ZNF41: variants seen among roughly 807,000 people sequenced by gnomAD.
ZNF41 encodes zinc finger protein 41.
In ZNF41, 6 loss-of-function variants were observed where a neutral mutation model predicts 9.3. The ratio of observed to expected loss-of-function variants is 0.65; its 90% confidence interval spans 0.35 to 1.28. The LOEUF is 1.28. ZNF41 is among the 50% of genes most tolerant of loss of function. ZNF41 has a pLI of 0.03. For synonymous variants in ZNF41, 192 were observed against 207.1 expected, an observed-to-expected ratio of 0.93 and a Z score of 0.63; for missense variants, 523 against 585.8, an observed-to-expected ratio of 0.89 and a Z score of 1.11.
At chrX:47,467,269 C>T in intron 2 of ZNF41, 141 bp downstream of exon 2, 2 of 1,148,206 alleles carry the variant, frequency 1.7e-6, no homozygotes, top group Non-Finnish European at 2.3e-6. Flanking sequence ...AGCAAGAGGA[C>T]CCTGATCTGT....
Position 47,455,979 on chromosome X carries a change from C to T in ZNF41, c.237G>A (p.Leu79=). The part of the protein sequence containing the change: ...QIPKSEAAFK[L]EQGEGPWMLE... ...GCATCCATGGCCCCTCTCCTTGCTC[C>T]AACTTGAAGGCAGCCTCTGACTTGG... The change falls in exon 4 of 5, where the codon TTG becomes TTA. Residue 79 remains leucine, a synonymous_variant. Coordinates refer to ENST00000684689, the MANE Select transcript of ZNF41 (RefSeq NM_001324144.2). 1 of 1,211,781 alleles carries T rather than the reference C, an allele frequency of 8.3e-7. No individual in the cohort carries two copies. The highest frequency in any genetic ancestry group is 1.8e-5 in the South Asian group (1 of 57,011).
In ZNF41 at chrX:47,448,403, G is replaced by A; in HGVS notation, c.1367C>T (p.Thr456Ile). The change falls in exon 5 of 5, where the codon ACA (threonine) becomes ATA (isoleucine). Residue 456 changes from threonine (T) to isoleucine (I), a missense_variant. Transcript: ENST00000684689. ...KAFIQKSHFN[T>I]HQRIHTGEKP... is the part of the protein sequence containing the mutation. The stretch of plus-strand genomic sequence containing the variant: ...TTCTCCAGTATGAATTCTCTGATGT[G>A]TGTTGAAATGTGATTTCTGGATGAA... 5 of 1,210,790 alleles carry A rather than the reference G, an allele frequency of 4.1e-6. No homozygotes were observed. Among genetic ancestry groups the A allele is most frequent in the Non-Finnish European group, 5.6e-6 (5 of 895,290 alleles).
intron 2 of ZNF41, among the ~76,000 whole-genome samples, chrX:47,462,533 C>A (rs1232447829): frequency 9.0e-6 from 1 of 110,769 alleles, no homozygotes; most frequent in Non-Finnish European, 1.9e-5. Context: ...CTTTGTTGTC[C>A]CTCCAGCTGA....
intron 1 of ZNF41, chrX:47,482,486 C>T (rs2071779): frequency 0.32 from 35,393 of 111,789 alleles, 4,056 homozygotes; most frequent in Middle Eastern, 0.51. Flanking sequence ...CTGAAAACTG[C>T]TTCGAGGAAC....
In ZNF41 at chrX:47,447,166, C is replaced by T. The variant is rs1466562814; in HGVS notation, c.*264G>A. The T allele has an allele frequency of 3.4e-5, 13 of 386,868 alleles. No homozygotes were observed. The highest frequency in any genetic ancestry group is 5.9e-5 in the Non-Finnish European group (13 of 220,487). 31.9% of individuals were successfully genotyped at this position (386,868 alleles called of 1,213,427 possible). The stretch of plus-strand genomic sequence containing the variant: ...AGGAGCTCAAGAGGTCTGTATGAAT[C>T]ATGTCACCAAACATGACTTTCGCTC... On this transcript the variant is annotated 3_prime_UTR_variant, in exon 5 of 5. Coordinates refer to ENST00000684689, the MANE Select transcript of ZNF41 (RefSeq NM_001324144.2).
chrX:47,479,417 T>G (rs1248982416), intron 1 of ZNF41, among the ~76,000 whole-genome samples: 4 of 112,121 alleles, frequency 3.6e-5, no homozygotes, highest in Non-Finnish European at 7.5e-5. Context: ...TACCCTCTAT[T>G]AAATGTCACT....
Position 47,449,300 on chromosome X carries a change from T to C in ZNF41, c.470A>G (p.His157Arg), listed in dbSNP as rs757880571. Residue 157 changes from histidine to arginine, a missense_variant, in exon 5 of 5, where the codon CAT (histidine) becomes CGT (arginine). Transcript: ENST00000684689. ...CCTCTCCTTAATCAATACTTTCACA[T>C]GACTTAAAAGGTTATTCTGGTTTTC... ...RQENQNNLLS[H>R]VKVLIKERGY... 1 of 1,211,536 alleles carries C rather than the reference T, an allele frequency of 8.3e-7. No homozygotes were observed. Among genetic ancestry groups the C allele is most frequent in the Non-Finnish European group, 1.1e-6 (1 of 895,375 alleles).
intron 2 of ZNF41, among the ~76,000 whole-genome samples, chrX:47,459,742 TAAAAAAAAAA>T (rs768291943): frequency 3.1e-4 from 5 of 16,160 alleles, no homozygotes; most frequent in Non-Finnish European, 4.4e-4. Context: ...AGACCCTATC[TAAAAAAAAAA>T]AAAAAAAAAA....
chrX:47,464,251 A>T (rs2056911251), intron 2 of ZNF41, among the ~76,000 whole-genome samples: 1 of 110,379 alleles, frequency 9.1e-6, no homozygotes, highest in Non-Finnish European at 1.9e-5. Context: ...CCAGCGTCTG[A>T]CTCATGTCCT....
chrX:47,453,841 G>A (rs553606508), intron 4 of ZNF41, among the ~76,000 whole-genome samples: 32 of 111,793 alleles, frequency 2.9e-4, no homozygotes, highest in African/African-American at 9.7e-4. Context: ...GGAGGCTGAG[G>A]CAGGCAGATC....
rs1305868331 is a variant in ZNF41, at chrX:47,450,299, C to T, written c.296-825G>A. 7.2e-5 allele frequency among the ~76,000 whole-genome samples: 8 copies of T among 110,876 alleles called. 1 individual carries two copies. The highest frequency in any genetic ancestry group is 5.7e-4 in the East Asian group (2 of 3,539). On this transcript the variant is annotated intron_variant, in intron 4 of 4. Coordinates refer to ENST00000684689, the MANE Select transcript of ZNF41 (RefSeq NM_001324144.2). ...GATCTCGGCTCACTGCAACCTCCGC[C>T]TCCCGGGTTCAAGTGGTTCGCCTGC...
intron 1 of ZNF41, among the ~76,000 whole-genome samples, chrX:47,471,424 G>T (rs2057190111): frequency 9.2e-6 from 1 of 109,009 alleles, no homozygotes; most frequent in South Asian, 4.1e-4. Context: ...ACTCCAGCCT[G>T]GGGGGATAGA....
chrX:47,461,064 T>C lies in ZNF41; in HGVS notation c.73-4666A>G, dbSNP rs139462631. ...AATATATGTACAGTATCAACTGTCT[T>C]CGTAAAAAAAATTAAGGATATTTTC... On this transcript the variant is annotated intron_variant, in intron 2 of 4. Coordinates refer to ENST00000684689, the MANE Select transcript of ZNF41 (RefSeq NM_001324144.2). Among the ~76,000 whole-genome samples the C allele has an allele frequency of 2.0e-4, 22 of 111,124 alleles. No individual in the cohort carries two copies. The East Asian group carries it at 6.2e-3, about 31-fold the overall frequency.
At chrX:47,472,135 T>G (rs1473938207) in intron 1 of ZNF41, among the ~76,000 whole-genome samples, 2 of 111,793 alleles carry the variant, frequency 1.8e-5, no homozygotes, top group Non-Finnish European at 3.8e-5. Flanking sequence ...CCCTGCTATT[T>G]GACTCCAGTT....
Position 47,471,264 on chromosome X carries a change from T to C in ZNF41, c.-279-3504A>G, listed in dbSNP as rs1159993782. Among the ~76,000 whole-genome samples the C allele has an allele frequency of 4.5e-5, 5 of 110,011 alleles. No homozygotes were observed. In the East Asian group the frequency reaches 1.4e-3, roughly 31 times the overall value. On this transcript the variant is annotated intron_variant, in intron 1 of 4. Transcript: ENST00000684689. ...AGGAGTTCGAGGTCAGCCTGGCTAA[T>C]ATGGTAAAACCCTATCTCTACTGAA...
At chrX:47,462,893 T>A in intron 2 of ZNF41, among the ~76,000 whole-genome samples, 1 of 103,682 alleles carries the variant, frequency 9.6e-6, no homozygotes, top group East Asian at 3.0e-4. Context: ...CCTACCCGGC[T>A]GATTTTTTTT....
chrX:47,455,986 A>G lies in ZNF41; in HGVS notation c.230T>C (p.Phe77Ser), dbSNP rs1001571917. Residue 77 changes from phenylalanine (F) to serine (S), a missense_variant, in exon 4 of 5, where the codon TTC becomes TCC. Coordinates refer to ENST00000684689, the MANE Select transcript of ZNF41 (RefSeq NM_001324144.2). ...TGGCCCCTCTCCTTGCTCCAACTTG[A>G]AGGCAGCCTCTGACTTGGGAATTTG... is the stretch of plus-strand genomic sequence containing the variant. ...GYQIPKSEAA[F>S]KLEQGEGPWM... The G allele has an allele frequency of 1.7e-6, 2 of 1,211,444 alleles. No homozygotes were observed. Among genetic ancestry groups the G allele is most frequent in the Non-Finnish European group, 2.2e-6 (2 of 895,344 alleles).
chrX:47,448,248 T>A lies in ZNF41; in HGVS notation c.1522A>T (p.Thr508Ser). Residue 508 changes from threonine to serine, a missense_variant, in exon 5 of 5, where the codon ACA (threonine) becomes TCA (serine). Coordinates refer to ENST00000684689, the MANE Select transcript of ZNF41 (RefSeq NM_001324144.2). ...TECGKVFTHR[T>S]NLTTHQKTHT... ...GTTTTCTGATGTGTGGTGAGGTTTG[T>A]CCTGTGAGTGAAGACCTTTCCACAT... The A allele has an allele frequency of 8.3e-7, 1 of 1,211,613 alleles. No homozygotes were observed. Among genetic ancestry groups the A allele is most frequent in the Non-Finnish European group, 1.1e-6 (1 of 895,459 alleles).
Position 47,467,551 on chromosome X carries a change from G to A in ZNF41, c.-70C>T, listed in dbSNP as rs749205266. ...CACTCTTCCCCAAGCTGGAAGCTGA[G>A]CTGGCATCTGTGGACTCAACCGGAG... On this transcript the variant is annotated 5_prime_UTR_variant, in exon 2 of 5. Transcript: ENST00000684689. The A allele has an allele frequency of 1.8e-6, 2 of 1,137,588 alleles. No individual in the cohort carries two copies. The highest frequency in any genetic ancestry group is 5.2e-5 in the Admixed American group (2 of 38,483). The allele number at this position is 1,137,588 out of a possible 1,213,427, so 93.8% of individuals were successfully genotyped here. A position where few individuals can be genotyped will look rare whatever the true frequency, so the allele number is the denominator to read the frequency against.
Sources: allele counts gnomAD v4.1 joint callset (sites outside exome capture counted in the v4.1 genomes callset), GRCh38; gene constraint gnomAD v4.1.1; transcripts MANE v1.5; gene names NCBI Gene and HGNC (gene_info 2026-07-23, HGNC 2026-07-21).